Variants in ROR1 observed in about 807,000 individuals in gnomAD.
ROR1 encodes the protein inactive tyrosine-protein kinase transmembrane receptor ROR1.
In ROR1, 19 loss-of-function variants were observed where a neutral mutation model predicts 78.8. That is an observed-to-expected ratio of 0.24 (90% CI 0.17 to 0.35). The LOEUF is 0.35. Ranked by LOEUF, ROR1 falls within the 10% of genes least tolerant of loss-of-function variation. The pLI is 1.00. For synonymous variants in ROR1, 386 were observed against 433.6 expected, an observed-to-expected ratio of 0.89 and a Z score of 1.36; for missense variants, 917 against 1,177.8, an observed-to-expected ratio of 0.78 and a Z score of 3.24.
At chr1:63,906,243 C>G (rs1645527775) in intron 1 of ROR1, among the ~76,000 whole-genome samples, 1 of 152,074 alleles carries the variant, frequency 6.6e-6, no homozygotes. Context: ...AGATACGGGT[C>G]CTGATAACCC....
In ROR1 at chr1:64,060,971, CA is replaced by C. The variant is rs142458145; in HGVS notation, c.482+10256del. Among the ~76,000 whole-genome samples the C allele has an allele frequency of 5.3e-3, 805 of 152,296 alleles. 8 individuals are homozygous for C. The highest frequency in any genetic ancestry group is 0.019 in the African/African-American group (779 of 41,562). On this transcript the variant is annotated intron_variant, in intron 4 of 8. Transcript: ENST00000371079. The stretch of plus-strand genomic sequence containing the variant: ...TATTGGCAAGGGGTATCTTTGTGTG[CA>C]GGGTACATTTAAAGGGAGAAGGGTG...
chr1:63,892,483 C>T (rs980689085), intron 1 of ROR1, among the ~76,000 whole-genome samples: 1 of 152,168 alleles, frequency 6.6e-6, no homozygotes, highest in African/African-American at 2.4e-5. Flanking sequence ...CACAGTTTCA[C>T]ATCCATGTAG....
At chr1:63,855,909 G>A (rs1395977807) in intron 1 of ROR1, among the ~76,000 whole-genome samples, 2 of 151,520 alleles carry the variant, frequency 1.3e-5, no homozygotes, top group African/African-American at 4.9e-5. Context: ...CGCCCACCTC[G>A]GCCTCCCAAA....
chr1:63,965,527 T>C (rs890869151), intron 1 of ROR1, among the ~76,000 whole-genome samples: 1 of 152,216 alleles, frequency 6.6e-6, no homozygotes, highest in African/African-American at 2.4e-5. Context: ...TGTAATATTT[T>C]CTTTAAAGGA....
intron 4 of ROR1, among the ~76,000 whole-genome samples, chr1:64,082,672 C>G (rs534727281): frequency 1.3e-5 from 2 of 152,226 alleles, no homozygotes; most frequent in African/African-American, 2.4e-5. Flanking sequence ...TAGAGCTGAT[C>G]CTCTCTGCCC....
At chr1:63,800,960 T>C (rs1043992394) in intron 1 of ROR1, among the ~76,000 whole-genome samples, 1 of 125,048 alleles carries the variant, frequency 8.0e-6, no homozygotes, top group African/African-American at 5.0e-5. Context: ...GGTATTTTGC[T>C]AGGTTTTTTT....
intron 8 of ROR1, among the ~76,000 whole-genome samples, chr1:64,175,020 A>T (rs1162907379): frequency 6.6e-6 from 1 of 150,886 alleles, no homozygotes; most frequent in African/African-American, 2.4e-5. Context: ...TTTTTTTTAA[A>T]AAAATAGTTA....
chr1:64,085,574 G>A (rs975914431), intron 4 of ROR1, among the ~76,000 whole-genome samples: 7 of 152,050 alleles, frequency 4.6e-5, no homozygotes, highest in South Asian at 4.2e-4. Flanking sequence ...AATCTCTGCC[G>A]ACCCCAAAAT....
chr1:64,128,488 A>G (rs1557665346), intron 4 of ROR1, among the ~76,000 whole-genome samples: 5 of 151,960 alleles, frequency 3.3e-5, no homozygotes, highest in Admixed American at 3.3e-4. Context: ...AGAAAAATGC[A>G]TGGAGAGGTT....
At chr1:63,857,920 A>G (rs1645158717) in intron 1 of ROR1, among the ~76,000 whole-genome samples, 1 of 152,212 alleles carries the variant, frequency 6.6e-6, no homozygotes, top group Non-Finnish European at 1.5e-5. Context: ...CAGTGTTTTC[A>G]TCTGTGCAGT....
intron 1 of ROR1, among the ~76,000 whole-genome samples, chr1:63,807,327 G>T (rs148552060): frequency 2.0e-5 from 3 of 152,172 alleles, no homozygotes; most frequent in Non-Finnish European, 4.4e-5. Flanking sequence ...TGTCTCTCTG[G>T]GGGGAGCAGC....
chr1:64,064,172 C>T (rs1326021140), intron 4 of ROR1, among the ~76,000 whole-genome samples: 1 of 152,162 alleles, frequency 6.6e-6, no homozygotes, highest in South Asian at 2.1e-4. Context: ...TGTGATGCAG[C>T]ATCAGCAACA....
At chr1:63,803,304 C>G (rs563589063) in intron 1 of ROR1, among the ~76,000 whole-genome samples, 1 of 151,656 alleles carries the variant, frequency 6.6e-6, no homozygotes, top group East Asian at 1.9e-4. Flanking sequence ...TTAAGAGGGC[C>G]GAGTATGGTA....
At chr1:63,937,335 T>G (rs1645801833) in intron 1 of ROR1, among the ~76,000 whole-genome samples, 1 of 152,228 alleles carries the variant, frequency 6.6e-6, no homozygotes, top group Non-Finnish European at 1.5e-5. Flanking sequence ...GATCTGAACT[T>G]CAGCAGGTTT....
In ROR1 at chr1:63,989,162, G is replaced by GTTTTTTTTTTTTTTTTTTTTTT. The variant is rs1287163623; in HGVS notation, c.92-20138_92-20137insTTTTTTTTTTTTTTTTTTTTTT. Among the ~76,000 whole-genome samples, 4 of 117,398 alleles carry GTTTTTTTTTTTTTTTTTTTTTT rather than the reference G, an allele frequency of 3.4e-5. 2 individuals are homozygous for GTTTTTTTTTTTTTTTTTTTTTT. The allele number at this position is 117,398 out of a possible 152,430, so 77.0% of individuals were successfully genotyped here. A position where few individuals can be genotyped will look rare whatever the true frequency, so the allele number is the denominator to read the frequency against. On this transcript the variant is annotated intron_variant, in intron 1 of 8. Transcript: ENST00000371079. ...TTTTTGCCAACACTTGTCATTTTCT[G>GTTTTTTTTTTTTTTTTTTTTTT]TTTTTGTTTTTTTTTTTTTTTAAAC... is the stretch of plus-strand genomic sequence containing the variant.
At chr1:64,148,054 A>G (rs888325277) in intron 7 of ROR1, among the ~76,000 whole-genome samples, 3 of 152,200 alleles carry the variant, frequency 2.0e-5, no homozygotes, top group Non-Finnish European at 2.9e-5. Context: ...ACACTGTACA[A>G]TTGTAAACTA....
chr1:63,778,693 T>C (rs944056324), intron 1 of ROR1, among the ~76,000 whole-genome samples: 5 of 152,230 alleles, frequency 3.3e-5, no homozygotes, highest in African/African-American at 4.8e-5. Context: ...TCTAAGCCTT[T>C]TGCAAGTATT....
intron 4 of ROR1, among the ~76,000 whole-genome samples, chr1:64,052,883 T>G (rs1387581454): frequency 6.6e-6 from 1 of 152,166 alleles, no homozygotes; most frequent in Non-Finnish European, 1.5e-5. Flanking sequence ...ATCCTGCTCT[T>G]TATCTCTTCT....
At chr1:63,861,546 G>A (rs546488508) in intron 1 of ROR1, among the ~76,000 whole-genome samples, 6 of 152,286 alleles carry the variant, frequency 3.9e-5, no homozygotes, top group African/African-American at 1.2e-4. Context: ...CACAAGACAG[G>A]TCTGTAGGAA....
Sources: allele counts gnomAD v4.1 joint callset (sites outside exome capture counted in the v4.1 genomes callset), GRCh38; gene constraint gnomAD v4.1.1; transcripts MANE v1.5; gene names NCBI Gene and HGNC (gene_info 2026-07-23, HGNC 2026-07-21).